ROR2: variants seen among roughly 807,000 people sequenced by gnomAD.
The protein encoded by ROR2 is ROR family WNT receptor 2.
In ROR2, 33 loss-of-function variants were observed where a neutral mutation model predicts 74.9. That is an observed-to-expected ratio of 0.44 (90% CI 0.33 to 0.59). ROR2 has a LOEUF of 0.59. Among genes scored for constraint, ROR2 ranks in the 20% least tolerant of loss-of-function variants. The probability of loss-of-function intolerance (pLI) is 0.02; values close to 1 mark genes in which losing one functional copy is unlikely to be tolerated. For missense variants in ROR2, 1,216 were observed against 1,313.8 expected (o/e 0.93, Z 1.15); for synonymous variants, 586 against 558.7 (o/e 1.05, Z -0.69).
At chr9:91,882,288 G>A (rs1830134564) in intron 1 of ROR2, among the ~76,000 whole-genome samples, 1 of 151,922 alleles carries the variant, frequency 6.6e-6, no homozygotes, top group Admixed American at 6.6e-5. Context: ...GCGGGTGCCT[G>A]TAATCCCAGC....
intron 1 of ROR2, among the ~76,000 whole-genome samples, chr9:91,917,578 C>A (rs1021251124): frequency 1.3e-5 from 2 of 152,204 alleles, no homozygotes; most frequent in Admixed American, 1.3e-4. Flanking sequence ...CCCAGGAAGA[C>A]CTGGGCACCC....
At chr9:91,766,777 A>G (rs1005810666) in intron 2 of ROR2, among the ~76,000 whole-genome samples, 1 of 152,252 alleles carries the variant, frequency 6.6e-6, no homozygotes, top group Non-Finnish European at 1.5e-5. Flanking sequence ...GGAGCCAGGC[A>G]TGGCTGACTG....
At chr9:91,929,394 C>T (rs1389164177) in intron 1 of ROR2, among the ~76,000 whole-genome samples, 1 of 152,136 alleles carries the variant, frequency 6.6e-6, no homozygotes, top group Non-Finnish European at 1.5e-5. Context: ...GAGATGACGC[C>T]AGTGGTCAGC....
chr9:91,743,846 C>A (rs1352414946), intron 4 of ROR2, among the ~76,000 whole-genome samples: 8 of 152,190 alleles, frequency 5.3e-5, no homozygotes, highest in African/African-American at 1.9e-4. Flanking sequence ...AAGGCCTCCA[C>A]ACTTGAAACT....
At chr9:91,865,431 T>C (rs1262250441) in intron 1 of ROR2, among the ~76,000 whole-genome samples, 9 of 152,226 alleles carry the variant, frequency 5.9e-5, no homozygotes, top group Non-Finnish European at 1.3e-4. Context: ...TCATTAGTTT[T>C]CCTCCTCTAC....
Position 91,875,123 on chromosome 9 carries a change from G to A in ROR2, c.97+74744C>T, listed in dbSNP as rs1829920139. Among the ~76,000 whole-genome samples, 4 of 152,152 alleles carry A rather than the reference G, an allele frequency of 2.6e-5. No individual in the cohort carries two copies. The South Asian group carries it at 8.3e-4, about 32-fold the overall frequency. On this transcript the variant is annotated intron_variant, in intron 1 of 8. Coordinates refer to ENST00000375708, the MANE Select transcript of ROR2 (RefSeq NM_004560.4). ...AACTTTAGAAGACATTTTGAGTTAT[G>A]CCAACCAATTAACGGTCCCAGGATC...
At chr9:91,881,563 C>G (rs1830112649) in intron 1 of ROR2, among the ~76,000 whole-genome samples, 1 of 152,100 alleles carries the variant, frequency 6.6e-6, no homozygotes, top group African/African-American at 2.4e-5. Flanking sequence ...GTTAGTACTC[C>G]TTTTTTGATG....
chr9:91,768,431 C>T (rs1826125354), intron 2 of ROR2, among the ~76,000 whole-genome samples: 1 of 152,160 alleles, frequency 6.6e-6, no homozygotes, highest in Non-Finnish European at 1.5e-5. Flanking sequence ...GTGTGCACAC[C>T]CTGGGGACAG....
chr9:91,823,506 T>C (rs900173248), intron 1 of ROR2, among the ~76,000 whole-genome samples: 11 of 152,074 alleles, frequency 7.2e-5, no homozygotes, highest in Non-Finnish European at 1.5e-4. Context: ...TTTTTTTTTT[T>C]CAAACTCCTG....
At chr9:91,894,931 T>A (rs1478322555) in intron 1 of ROR2, among the ~76,000 whole-genome samples, 1 of 152,184 alleles carries the variant, frequency 6.6e-6, no homozygotes, top group Non-Finnish European at 1.5e-5. Context: ...CACTCCTTGG[T>A]ATAAGGAGAT....
intron 4 of ROR2, among the ~76,000 whole-genome samples, chr9:91,747,728 G>A (rs1587681655): frequency 6.6e-6 from 1 of 152,158 alleles, no homozygotes; most frequent in East Asian, 1.9e-4. Flanking sequence ...CAGAGATATC[G>A]TAAGCATATC....
intron 1 of ROR2, among the ~76,000 whole-genome samples, chr9:91,925,289 T>C (rs1197590754): frequency 1.3e-5 from 2 of 152,040 alleles, no homozygotes; most frequent in Non-Finnish European, 2.9e-5. Flanking sequence ...GCTCATCTCA[T>C]AGACATTAAC....
intron 1 of ROR2, among the ~76,000 whole-genome samples, chr9:91,874,767 C>T (rs1829908266): frequency 6.6e-6 from 1 of 152,106 alleles, no homozygotes; most frequent in South Asian, 2.1e-4. Context: ...CAAACCCTGT[C>T]TCCACTAAAA....
intron 2 of ROR2, among the ~76,000 whole-genome samples, chr9:91,771,103 T>C (rs184747872): frequency 1.3e-5 from 2 of 152,204 alleles, no homozygotes; most frequent in Non-Finnish European, 2.9e-5. Context: ...TACCCTGTTA[T>C]TTAGAATCCA....
chr9:91,880,307 G>A (rs888719482), intron 1 of ROR2, among the ~76,000 whole-genome samples: 1 of 152,152 alleles, frequency 6.6e-6, no homozygotes, highest in South Asian at 2.1e-4. Context: ...TCCAGAACTA[G>A]GATGAAATAA....
chr9:91,944,818 G>C (rs1036893941), intron 1 of ROR2, among the ~76,000 whole-genome samples: 1 of 152,230 alleles, frequency 6.6e-6, no homozygotes, highest in East Asian at 1.9e-4. Context: ...GGACTGGGGT[G>C]GGGGTGGGGA....
chr9:91,782,656 G>A (rs957444962), intron 1 of ROR2, among the ~76,000 whole-genome samples: 20 of 148,812 alleles, frequency 1.3e-4, no homozygotes, highest in East Asian at 5.9e-4. Context: ...ATTCAAAGCC[G>A]TCCTGGGCTG....
Position 91,821,466 on chromosome 9 carries a change from G to A in ROR2, c.98-45648C>T, listed in dbSNP as rs561616219. Among the ~76,000 whole-genome samples the A allele has an allele frequency of 1.2e-4, 18 of 152,192 alleles. No homozygotes were observed. The South Asian group carries it at 3.5e-3, about 30-fold the overall frequency. ...TGGTGGTCTCCTTTCCACATTGGCT[G>A]CCTGGTCTTCCCAGCAGCCTGCTCC... On this transcript the variant is annotated intron_variant, in intron 1 of 8. Coordinates refer to ENST00000375708, the MANE Select transcript of ROR2 (RefSeq NM_004560.4).
chr9:91,907,939 A>C (rs977079343), intron 1 of ROR2, among the ~76,000 whole-genome samples: 1 of 152,202 alleles, frequency 6.6e-6, no homozygotes, highest in Admixed American at 6.5e-5. Context: ...GCACAGGGCA[A>C]GGGGCCAGAA....
Sources: allele counts gnomAD v4.1 joint callset (sites outside exome capture counted in the v4.1 genomes callset), GRCh38; gene constraint gnomAD v4.1.1; transcripts MANE v1.5; gene names NCBI Gene and HGNC (gene_info 2026-07-23, HGNC 2026-07-21).